Variants in EPB41L4A observed in about 807,000 individuals in gnomAD.
The protein encoded by EPB41L4A is band 4.1-like protein 4A.
EPB41L4A carries 100 observed loss-of-function variants against 108.6 expected under a neutral mutation model. The observed-to-expected ratio is 0.92, with a 90% CI of 0.78 to 1.09. The LOEUF (loss-of-function observed/expected upper bound fraction) is 1.09. EPB41L4A is among the 50% of genes least tolerant of loss of function. The pLI, the probability that EPB41L4A is intolerant of heterozygous loss-of-function variation, is 0.00. For missense variants in EPB41L4A, 1,030 were observed against 842.7 expected, an observed-to-expected ratio of 1.22 and a Z score of -2.75; for synonymous variants, 319 against 289.0, an observed-to-expected ratio of 1.10 and a Z score of -1.05.
chr5:112,402,488 A>T (rs1323063726), intron 1 of EPB41L4A, among the ~76,000 whole-genome samples: 1 of 152,256 alleles, frequency 6.6e-6, no homozygotes, highest in Non-Finnish European at 1.5e-5. Flanking sequence ...CAGTTACTGC[A>T]GCAAGTAAAA....
intron 22 of EPB41L4A, among the ~76,000 whole-genome samples, chr5:112,166,180 A>T: frequency 6.6e-6 from 1 of 152,250 alleles, no homozygotes; most frequent in East Asian, 1.9e-4. Flanking sequence ...CCTTTGCGTG[A>T]AAAGGCAAGG....
At chr5:112,169,460 A>G (rs1188368921) in intron 20 of EPB41L4A, among the ~76,000 whole-genome samples, 1 of 152,192 alleles carries the variant, frequency 6.6e-6, no homozygotes. Flanking sequence ...CCTAATGGAA[A>G]AAGTTGGTCC....
chr5:112,201,374 A>C (rs1433740631), intron 15 of EPB41L4A, among the ~76,000 whole-genome samples: 2 of 152,238 alleles, frequency 1.3e-5, no homozygotes, highest in African/African-American at 4.8e-5. Flanking sequence ...TTTCACAGGA[A>C]GCCAGCGGAA....
intron 1 of EPB41L4A, among the ~76,000 whole-genome samples, chr5:112,344,234 A>C (rs1757499993): frequency 6.6e-6 from 1 of 152,192 alleles, no homozygotes; most frequent in Non-Finnish European, 1.5e-5. Context: ...CAAGAGTAAA[A>C]ATTTAGGTCC....
At chr5:112,271,412 C>A (rs568323111) in intron 4 of EPB41L4A, among the ~76,000 whole-genome samples, 4 of 152,246 alleles carry the variant, frequency 2.6e-5, no homozygotes, top group African/African-American at 9.6e-5. Context: ...AAGTACTTTG[C>A]AAGTACACTC....
At chr5:112,403,923 T>C (rs193065042) in intron 1 of EPB41L4A, among the ~76,000 whole-genome samples, 86 of 152,290 alleles carry the variant, frequency 5.6e-4, no homozygotes, top group Non-Finnish European at 8.7e-4. Context: ...CTCCAAAAAT[T>C]TGAAAAGCTG....
rs34598344 is a variant in EPB41L4A at position 112,180,657 on chromosome 5, T to TAA, written c.1622+3357_1622+3358dup. On this transcript the variant is annotated intron_variant, in intron 18 of 22. Coordinates refer to ENST00000261486, the MANE Select transcript of EPB41L4A (RefSeq NM_022140.5). Reference sequence around the variant, plus strand: ...GAGGTAAGCAAATACCCCTTAAGATTAAAAAAAAAAAAAAAGCCTTAACTA... The same window carrying TAA: ...GAGGTAAGCAAATACCCCTTAAGATTAAAAAAAAAAAAAAAAAGCCTTAACTA... Among the ~76,000 whole-genome samples, 676 of 123,410 alleles carry TAA rather than the reference T, an allele frequency of 5.5e-3. 2 individuals are homozygous for TAA. Among genetic ancestry groups the TAA allele is most frequent in the South Asian group, 0.02 (74 of 3,686 alleles). The allele number at this position is 123,410 out of a possible 152,430, so 81.0% of individuals were successfully genotyped here.
At chr5:112,160,069 C>T (rs780225969), downstream of EPB41L4A, among the ~76,000 whole-genome samples, 23 of 151,248 alleles carry the variant, frequency 1.5e-4, no homozygotes, top group Non-Finnish European at 2.9e-4. Flanking sequence ...CGCCACCAAG[C>T]CCAAGTAATT....
At chr5:112,204,545 A>C (rs1196375504) in intron 14 of EPB41L4A, 57 bp from the exon 15 acceptor site, 6 of 1,135,288 alleles carry the variant, frequency 5.3e-6, no homozygotes, top group African/African-American at 1.5e-5. Flanking sequence ...GGGAAAACAC[A>C]CCGCAGCCCA....
At chr5:112,321,658 C>A (rs1382982376) in intron 1 of EPB41L4A, among the ~76,000 whole-genome samples, 3 of 152,048 alleles carry the variant, frequency 2.0e-5, no homozygotes, top group Non-Finnish European at 4.4e-5. Context: ...TCTTAATGTA[C>A]CACAACCAAA....
At chr5:112,415,934 A>G (rs1361333730) in intron 1 of EPB41L4A, among the ~76,000 whole-genome samples, 1 of 151,448 alleles carries the variant, frequency 6.6e-6, no homozygotes, top group African/African-American at 2.5e-5. Flanking sequence ...CCTCCGTAAC[A>G]TTAACAGGGA....
intron 1 of EPB41L4A, among the ~76,000 whole-genome samples, chr5:112,387,338 T>C (rs561470170): frequency 3.7e-4 from 56 of 152,228 alleles, no homozygotes; most frequent in Non-Finnish European, 7.1e-4. Context: ...AAGAACTGCA[T>C]GGAATGGGTT....
At chr5:112,146,539 C>T (rs1759264673) in intron 12 of EPB41L4A, among the ~76,000 whole-genome samples, 1 of 152,136 alleles carries the variant, frequency 6.6e-6, no homozygotes, top group Admixed American at 6.5e-5. Flanking sequence ...TAAAAATATC[C>T]TTGGCAATGT....
At chr5:112,339,953 G>C (rs1344104294) in intron 1 of EPB41L4A, among the ~76,000 whole-genome samples, 1 of 152,106 alleles carries the variant, frequency 6.6e-6, no homozygotes, top group Non-Finnish European at 1.5e-5. Flanking sequence ...GAGAAAACCA[G>C]GGCCTAGACT....
chr5:112,419,810 G>T (rs1240513187), upstream of EPB41L4A: 1 of 456,750 alleles, frequency 2.2e-6, no homozygotes, highest in Admixed American at 2.3e-5. Flanking sequence ...TCCCGTCCGG[G>T]GACTCCCGAG....
At chr5:112,302,933 T>G (rs548967759) in intron 2 of EPB41L4A, among the ~76,000 whole-genome samples, 1 of 152,258 alleles carries the variant, frequency 6.6e-6, no homozygotes, top group South Asian at 2.1e-4. Context: ...ATACCCTTCA[T>G]GTGTTGTTGT....
chr5:112,144,432 T>C (rs935582835), intron 13 of EPB41L4A, among the ~76,000 whole-genome samples: 1 of 152,100 alleles, frequency 6.6e-6, no homozygotes, highest in African/African-American at 2.4e-5. Context: ...ACTACAGGTG[T>C]GTGCCACCAC....
intron 12 of EPB41L4A, among the ~76,000 whole-genome samples, chr5:112,151,605 A>C (rs1759471944): frequency 6.6e-6 from 1 of 151,828 alleles, no homozygotes; most frequent in Non-Finnish European, 1.5e-5. Context: ...ATGGGGTTTC[A>C]CCATGTTGCC....
chr5:112,209,830 C>A, intron 13 of EPB41L4A, 62 bp downstream of exon 13: 1 of 1,023,532 alleles, frequency 9.8e-7, no homozygotes, highest in Non-Finnish European at 1.5e-6. Flanking sequence ...ACCTTGTCTA[C>A]AGAAAAAAAG....
Sources: gnomAD v4.1 joint callset for allele counts (sites outside exome capture counted in the v4.1 genomes callset) on GRCh38, gnomAD v4.1.1 for gene constraint, MANE v1.5 for transcripts, NCBI Gene and HGNC (gene_info 2026-07-23, HGNC 2026-07-21) for gene names.